Variants in TENM3 observed in about 807,000 individuals in gnomAD.
The protein encoded by TENM3 is teneurin transmembrane protein 3.
A neutral mutation model predicts 255.1 loss-of-function variants in TENM3; 63 were observed. The observed-to-expected ratio is 0.25, with a 90% CI of 0.20 to 0.30. The LOEUF is 0.30. Among genes scored for constraint, TENM3 ranks in the 10% least tolerant of loss-of-function variants. The pLI, the probability that TENM3 is intolerant of heterozygous loss-of-function variation, is 1.00. For missense variants in TENM3, 2,929 were observed against 3,461.1 expected (o/e 0.85, Z 3.86); for synonymous variants, 1,306 against 1,322.3 (o/e 0.99, Z 0.27).
chr4:181,586,217 G>A, the TENM3 span, among the ~76,000 whole-genome samples: 1 of 152,208 alleles, frequency 6.6e-6, no homozygotes, highest in Admixed American at 6.5e-5. Flanking sequence ...ACAGGCAGAT[G>A]TCTATGGTAT....
At chr4:182,751,348 T>C (rs555073180) in intron 19 of TENM3, among the ~76,000 whole-genome samples, 1 of 152,352 alleles carries the variant, frequency 6.6e-6, no homozygotes, top group South Asian at 2.1e-4. Context: ...TAATACCCTA[T>C]GGTGAGGTAT....
intron 13 of TENM3, among the ~76,000 whole-genome samples, chr4:182,725,008 A>T (rs13138941): frequency 0.11 from 17,458 of 151,968 alleles, 1,361 homozygotes; most frequent in South Asian, 0.16. Flanking sequence ...ATGAATTGGG[A>T]TGGAAAGGTT....
chr4:181,449,874 T>G, the TENM3 span, among the ~76,000 whole-genome samples: 1 of 152,182 alleles, frequency 6.6e-6, no homozygotes, highest in Non-Finnish European at 1.5e-5. Context: ...CCCAAATCAG[T>G]CTTCATATTC....
the TENM3 span, among the ~76,000 whole-genome samples, chr4:181,957,674 GCAT>G: frequency 6.6e-6 from 1 of 152,148 alleles, no homozygotes; most frequent in Admixed American, 6.5e-5. Context: ...AACAATTCAG[GCAT>G]GTCTAGATCA....
At chr4:182,523,375 T>G (rs1184975521) in intron 3 of TENM3, among the ~76,000 whole-genome samples, 1 of 152,146 alleles carries the variant, frequency 6.6e-6, no homozygotes, top group Non-Finnish European at 1.5e-5. Context: ...GTCAACCAAT[T>G]AATTATGTCT....
the TENM3 span, among the ~76,000 whole-genome samples, chr4:181,533,124 T>G: frequency 6.6e-6 from 1 of 152,134 alleles, no homozygotes; most frequent in African/African-American, 2.4e-5. Context: ...AACTCAATTA[T>G]TAGGGCAGGA....
At chr4:182,099,833 C>T in the TENM3 span, among the ~76,000 whole-genome samples, 35 of 152,132 alleles carry the variant, frequency 2.3e-4, 1 homozygote, top group Middle Eastern at 3.4e-3. Flanking sequence ...AGTTCTAAGG[C>T]GGTAGAATCC....
the TENM3 span, among the ~76,000 whole-genome samples, chr4:181,642,822 C>T: frequency 1.2e-4 from 19 of 152,094 alleles, no homozygotes; most frequent in Non-Finnish European, 1.9e-4. Context: ...TGTAGATGTG[C>T]GGTATTATTT....
chr4:182,589,865 T>G (rs1034845905), intron 3 of TENM3, among the ~76,000 whole-genome samples: 1 of 151,880 alleles, frequency 6.6e-6, no homozygotes. Context: ...TCACAGCTAC[T>G]TGGGAGGCTG....
intron 3 of TENM3, among the ~76,000 whole-genome samples, chr4:182,366,235 AT>A (rs1225765374): frequency 1.3e-5 from 2 of 151,750 alleles, no homozygotes; most frequent in African/African-American, 4.8e-5. Context: ...GATATAAAGG[AT>A]TTTTTTTACA....
the TENM3 span, among the ~76,000 whole-genome samples, chr4:181,969,708 C>T: frequency 6.6e-6 from 1 of 152,150 alleles, no homozygotes; most frequent in African/African-American, 2.4e-5. Flanking sequence ...ATCGTGTTAA[C>T]GTACATAATA....
chr4:182,717,773 G>A (rs1759324275), intron 13 of TENM3, among the ~76,000 whole-genome samples: 1 of 152,154 alleles, frequency 6.6e-6, no homozygotes. Context: ...TACTTCACAT[G>A]GCTTATAAAT....
At chr4:182,404,069 A>G (rs1769387970) in intron 3 of TENM3, among the ~76,000 whole-genome samples, 1 of 152,196 alleles carries the variant, frequency 6.6e-6, no homozygotes, top group East Asian at 1.9e-4. Context: ...GCTTATTATC[A>G]TCGTGCTTTA....
intron 16 of TENM3, among the ~76,000 whole-genome samples, chr4:182,734,920 T>C (rs1447896535): frequency 1.3e-5 from 2 of 152,214 alleles, no homozygotes; most frequent in African/African-American, 4.8e-5. Context: ...ATGGAAAACC[T>C]GTCAAATGTA....
chr4:182,023,066 C>T, the TENM3 span, among the ~76,000 whole-genome samples: 1 of 152,146 alleles, frequency 6.6e-6, no homozygotes, highest in African/African-American at 2.4e-5. Context: ...TTTGTTTAAG[C>T]AGTAATCTAG....
intron 12 of TENM3, among the ~76,000 whole-genome samples, chr4:182,692,781 CT>C (rs967000379): frequency 2.0e-5 from 3 of 152,100 alleles, no homozygotes; most frequent in African/African-American, 7.2e-5. Flanking sequence ...ACTATGATTA[CT>C]TAGGTGTGAA....
intron 3 of TENM3, among the ~76,000 whole-genome samples, chr4:182,398,603 A>G (rs1769012942): frequency 1.3e-5 from 2 of 152,186 alleles, no homozygotes; most frequent in Non-Finnish European, 2.9e-5. Context: ...ATAGGAGTTG[A>G]ATAAAATCTC....
intron 3 of TENM3, among the ~76,000 whole-genome samples, chr4:182,413,259 G>T (rs1770135691): frequency 6.6e-6 from 1 of 152,018 alleles, no homozygotes; most frequent in Non-Finnish European, 1.5e-5. Context: ...CTTTTGGTAA[G>T]AAAATATAAA....
intron 3 of TENM3, among the ~76,000 whole-genome samples, chr4:182,568,409 T>A (rs1032319927): frequency 5.3e-5 from 8 of 152,218 alleles, no homozygotes; most frequent in Non-Finnish European, 1.0e-4. Context: ...AAGGCTGCCT[T>A]TTCTTTTGAA....
Sources: gnomAD v4.1 joint callset for allele counts (sites outside exome capture counted in the v4.1 genomes callset) on GRCh38, gnomAD v4.1.1 for gene constraint, MANE v1.5 for transcripts, NCBI Gene and HGNC (gene_info 2026-07-23, HGNC 2026-07-21) for gene names.